The following XKR4 variants were observed in gnomAD, a reference collection of about 807,000 sequenced individuals.
The protein encoded by XKR4 is XK related 4.
A neutral mutation model predicts 53.9 loss-of-function variants in XKR4; 12 were observed. The observed-to-expected ratio is 0.22, with a 90% CI of 0.14 to 0.36. The LOEUF (loss-of-function observed/expected upper bound fraction) is 0.36, where lower values mean the gene tolerates loss of function less well. Among genes scored for constraint, XKR4 ranks in the 10% least tolerant of loss-of-function variants. The probability of loss-of-function intolerance (pLI) is 1.00; values close to 1 mark genes in which losing one functional copy is unlikely to be tolerated. For synonymous variants in XKR4, 354 were observed against 362.4 expected (o/e 0.98, Z 0.26); for missense variants, 799 against 859.5 (o/e 0.93, Z 0.88).
intron 2 of XKR4, among the ~76,000 whole-genome samples, chr8:55,412,784 T>G (rs1804794470): frequency 1.3e-5 from 2 of 152,226 alleles, no homozygotes; most frequent in South Asian, 4.1e-4. Context: ...ACCATGTGTG[T>G]GCAATTCCCG....
intron 2 of XKR4, among the ~76,000 whole-genome samples, chr8:55,412,821 C>A (rs943312978): frequency 2.0e-5 from 3 of 152,162 alleles, no homozygotes; most frequent in African/African-American, 7.2e-5. Context: ...TTGGCTACAC[C>A]AAATGATTTC....
chr8:55,250,317 A>G (rs1226211232), intron 1 of XKR4, among the ~76,000 whole-genome samples: 1 of 152,218 alleles, frequency 6.6e-6, no homozygotes, highest in African/African-American at 2.4e-5. Context: ...TCTGACAATA[A>G]CATAATAGAA....
intron 1 of XKR4, among the ~76,000 whole-genome samples, chr8:55,150,847 T>C (rs958241173): frequency 2.0e-5 from 3 of 152,120 alleles, no homozygotes; most frequent in African/African-American, 7.2e-5. Context: ...CCAAAAGTCA[T>C]TGGAAAAAAA....
At chr8:55,120,845 C>G (rs556666055) in intron 1 of XKR4, among the ~76,000 whole-genome samples, 10 of 152,152 alleles carry the variant, frequency 6.6e-5, no homozygotes, top group Non-Finnish European at 1.3e-4. Context: ...TTGTCCGAAA[C>G]CTTCCTTGTG....
At chr8:55,155,411 A>G (rs979309907) in intron 1 of XKR4, among the ~76,000 whole-genome samples, 9 of 152,216 alleles carry the variant, frequency 5.9e-5, no homozygotes, top group African/African-American at 1.7e-4. Flanking sequence ...TAGAAATAAC[A>G]TAATATGGGA....
At chr8:55,444,640 G>A (rs1352064668) in intron 2 of XKR4, among the ~76,000 whole-genome samples, 4 of 152,206 alleles carry the variant, frequency 2.6e-5, no homozygotes, top group Non-Finnish European at 5.9e-5. Flanking sequence ...ATCATTTTCA[G>A]CAAGTTGAAA....
intron 2 of XKR4, among the ~76,000 whole-genome samples, chr8:55,447,055 G>GAA (rs5891573): frequency 0.016 from 2,121 of 132,346 alleles, 29 homozygotes; most frequent in Middle Eastern, 0.04. Context: ...ACCTGATTGG[G>GAA]AAAAAAAAAA....
rs1237408960 is a variant in XKR4 at position 55,363,410 on chromosome 8, CCT to C, written c.1006+5534_1006+5535del. Among the ~76,000 whole-genome samples the C allele has an allele frequency of 2.0e-5, 3 of 152,298 alleles. No homozygotes were observed. In the East Asian group the frequency reaches 5.8e-4, roughly 29 times the overall value. ...GGAAGGGGTTTCTAATTATTCCTCTCCTGTCTTGCATCCTATGAGGCTCCACA... is the reference window on the plus strand; with the variant it reads ...GGAAGGGGTTTCTAATTATTCCTCTCGTCTTGCATCCTATGAGGCTCCACA... On this transcript the variant is annotated intron_variant, in intron 2 of 2. Coordinates refer to ENST00000327381, the MANE Select transcript of XKR4 (RefSeq NM_052898.2).
intron 2 of XKR4, among the ~76,000 whole-genome samples, chr8:55,504,206 T>TG (rs1028665793): frequency 1.3e-5 from 2 of 151,512 alleles, no homozygotes; most frequent in African/African-American, 4.9e-5. Flanking sequence ...TGTTTTGTTT[T>TG]GTTTTGTTTT....
At chr8:55,516,964 GT>G (rs1273837409) in intron 2 of XKR4, among the ~76,000 whole-genome samples, 5 of 152,210 alleles carry the variant, frequency 3.3e-5, no homozygotes, top group East Asian at 1.9e-4. Flanking sequence ...CTGAAATCAT[GT>G]TTTTTTGCAG....
intron 1 of XKR4, among the ~76,000 whole-genome samples, chr8:55,230,620 G>A (rs1193279733): frequency 1.3e-5 from 2 of 151,984 alleles, no homozygotes; most frequent in African/African-American, 2.4e-5. Flanking sequence ...CGCCCACCTC[G>A]GCCTCCCAAA....
At chr8:55,208,573 T>C (rs1464230077) in intron 1 of XKR4, among the ~76,000 whole-genome samples, 1 of 152,076 alleles carries the variant, frequency 6.6e-6, no homozygotes, top group East Asian at 1.9e-4. Context: ...TTCAAGTGAT[T>C]CTCCTGCCTC....
Position 55,534,067 on chromosome 8 carries a change from A to T in XKR4, c.*9840A>T, listed in dbSNP as rs2129406978. 1 of 152,294 alleles carries T rather than the reference A, an allele frequency of 6.6e-6. No homozygotes were observed. The highest frequency in any genetic ancestry group is 3.4e-3 in the Middle Eastern group (1 of 294). 9.4% of individuals were successfully genotyped at this position (152,294 alleles called of 1,614,324 possible). On this transcript the variant is annotated 3_prime_UTR_variant, in exon 3 of 3. Transcript: ENST00000327381. ...ACATGTTTGGAAATGAAAATAATGC[A>T]CTGTCATCTGTTGAATAATTGATCT... is the stretch of plus-strand genomic sequence containing the variant.
At chr8:55,397,871 C>G (rs1273016059) in intron 2 of XKR4, among the ~76,000 whole-genome samples, 2 of 152,100 alleles carry the variant, frequency 1.3e-5, no homozygotes, top group Non-Finnish European at 2.9e-5. Context: ...TCAGTGGGAG[C>G]CTGCAGCCAC....
At chr8:55,196,305 C>G (rs1158579177) in intron 1 of XKR4, among the ~76,000 whole-genome samples, 1 of 151,930 alleles carries the variant, frequency 6.6e-6, no homozygotes, top group East Asian at 1.9e-4. Context: ...TCTCAGCCTC[C>G]TGAGTAGCTG....
intron 2 of XKR4, among the ~76,000 whole-genome samples, chr8:55,497,888 T>C (rs1180766289): frequency 6.6e-6 from 1 of 151,998 alleles, no homozygotes; most frequent in Non-Finnish European, 1.5e-5. Context: ...CCCAAAGTCC[T>C]CATGCTCTCC....
At chr8:55,406,016 C>A (rs1164954990) in intron 2 of XKR4, among the ~76,000 whole-genome samples, 2 of 152,186 alleles carry the variant, frequency 1.3e-5, no homozygotes, top group African/African-American at 2.4e-5. Flanking sequence ...ATTTTATAGT[C>A]TCAACCAATT....
At chr8:55,404,519 G>A (rs1804657128) in intron 2 of XKR4, among the ~76,000 whole-genome samples, 1 of 152,224 alleles carries the variant, frequency 6.6e-6, no homozygotes, top group Non-Finnish European at 1.5e-5. Flanking sequence ...CTTCCAGTCT[G>A]AAGAAAGAAC....
At chr8:55,473,591 A>G (rs956979829) in intron 2 of XKR4, among the ~76,000 whole-genome samples, 8 of 152,094 alleles carry the variant, frequency 5.3e-5, no homozygotes, top group African/African-American at 1.9e-4. Context: ...TGCAGTTCCT[A>G]TTTTCAAAAA....
Sources: gnomAD v4.1 joint callset for allele counts (sites outside exome capture counted in the v4.1 genomes callset) on GRCh38, gnomAD v4.1.1 for gene constraint, MANE v1.5 for transcripts, NCBI Gene and HGNC (gene_info 2026-07-23, HGNC 2026-07-21) for gene names.